The following SLC39A11 variants were observed in gnomAD, a reference collection of about 807,000 sequenced individuals.
SLC39A11 encodes solute carrier family 39 member 11.
In SLC39A11, 33 loss-of-function variants were observed where a neutral mutation model predicts 36.1. That is an observed-to-expected ratio of 0.91 (90% CI 0.69 to 1.22). The LOEUF (loss-of-function observed/expected upper bound fraction) is 1.22. Among genes scored for constraint, SLC39A11 ranks in the 50% most tolerant of loss-of-function variants. The pLI is 0.00. For synonymous variants in SLC39A11, 166 were observed against 170.3 expected (o/e 0.97, Z 0.20); for missense variants, 432 against 430.3 (o/e 1.00, Z -0.03).
intron 7 of SLC39A11, among the ~76,000 whole-genome samples, chr17:72,682,286 G>A (rs1353033672): frequency 4.0e-5 from 6 of 150,038 alleles, no homozygotes; most frequent in Admixed American, 1.3e-4. Flanking sequence ...GAATCATCCC[G>A]AAACCATCCC....
At position 72,947,028 on chromosome 17, in the gene SLC39A11, C is replaced by T. The variant is rs532277783; in HGVS notation, c.430+724G>A. 1.2e-4 allele frequency among the ~76,000 whole-genome samples: 18 copies of T among 152,302 alleles called. No individual in the cohort carries two copies. In the South Asian group the frequency reaches 1.9e-3, roughly 16 times the overall value. ...CTCCAAATTGAATCAGTGAGAGAAA[C>T]GTCCACAGTTGGCCAGGTGCAGTGG... is the stretch of plus-strand genomic sequence containing the variant. On this transcript the variant is annotated intron_variant, in intron 5 of 9. Transcript: ENST00000255559.
At chr17:72,900,150 AAGAAAAG>A in intron 5 of SLC39A11, among the ~76,000 whole-genome samples, 1 of 70,652 alleles carries the variant, frequency 1.4e-5, no homozygotes, top group Non-Finnish European at 3.0e-5. Context: ...AAAAGAAAGA[AAGAAAAG>A]AAAGAAAGAA....
intron 7 of SLC39A11, among the ~76,000 whole-genome samples, chr17:72,653,011 C>T (rs1204321990): frequency 2.0e-5 from 3 of 152,144 alleles, no homozygotes; most frequent in Non-Finnish European, 2.9e-5. Flanking sequence ...AGGCTGGACG[C>T]TTCCCTGGGC....
chr17:72,912,829 C>T (rs72848000), intron 5 of SLC39A11, among the ~76,000 whole-genome samples: 10,544 of 152,174 alleles, frequency 0.069, 462 homozygotes, highest in African/African-American at 0.12. Flanking sequence ...ACTTGCTCAT[C>T]TCCTTGCCCA....
chr17:73,031,958 C>T (rs945186814), intron 3 of SLC39A11, among the ~76,000 whole-genome samples: 5 of 152,118 alleles, frequency 3.3e-5, no homozygotes, highest in African/African-American at 7.2e-5. Context: ...CAGTCCAGTT[C>T]GCCATCATCT....
At chr17:72,649,478 T>C (rs2069743195) in intron 7 of SLC39A11, among the ~76,000 whole-genome samples, 1 of 152,158 alleles carries the variant, frequency 6.6e-6, no homozygotes, top group African/African-American at 2.4e-5. Flanking sequence ...CCTCTACCCA[T>C]CATGCTGTCC....
chr17:72,732,228 C>A lies in SLC39A11; in HGVS notation c.671+4422G>T, dbSNP rs7223236. 5.3e-5 allele frequency among the ~76,000 whole-genome samples: 8 copies of A among 151,118 alleles called. No homozygotes were observed. In the East Asian group the frequency reaches 1.6e-3, roughly 30 times the overall value. Reference sequence around the variant, plus strand: ...GATGGGAGGGTTTTGTAGGCCAAGCCGGTCTTGAATTCCCGACCTCGAGGG... The same window carrying A: ...GATGGGAGGGTTTTGTAGGCCAAGCAGGTCTTGAATTCCCGACCTCGAGGG... On this transcript the variant is annotated intron_variant, in intron 7 of 9. Coordinates refer to ENST00000255559, the MANE Select transcript of SLC39A11 (RefSeq NM_139177.4).
At chr17:72,782,414 C>T (rs2076348678) in intron 6 of SLC39A11, among the ~76,000 whole-genome samples, 1 of 152,052 alleles carries the variant, frequency 6.6e-6, no homozygotes, top group South Asian at 2.1e-4. Context: ...TACTGTGTTA[C>T]AGGAGCTGCG....
chr17:73,037,894 T>C (rs1256572243), intron 3 of SLC39A11, among the ~76,000 whole-genome samples: 1 of 152,224 alleles, frequency 6.6e-6, no homozygotes, highest in Non-Finnish European at 1.5e-5. Context: ...TGCTAAATAA[T>C]GAAAGAAGCT....
At chr17:73,012,306 T>C (rs9896767) in intron 4 of SLC39A11, among the ~76,000 whole-genome samples, 105,206 of 151,894 alleles carry the variant, frequency 0.69, 40,729 homozygotes, top group Non-Finnish European at 0.87. Flanking sequence ...AAGAATATAA[T>C]TGGATTATTT....
At chr17:72,988,956 A>C (rs1568077834) in intron 4 of SLC39A11, among the ~76,000 whole-genome samples, 1 of 152,160 alleles carries the variant, frequency 6.6e-6, no homozygotes. Flanking sequence ...CACGCCTGTC[A>C]TCCGAGCACT....
intron 6 of SLC39A11, among the ~76,000 whole-genome samples, chr17:72,791,937 C>A (rs2076719157): frequency 6.6e-6 from 1 of 152,194 alleles, no homozygotes; most frequent in African/African-American, 2.4e-5. Flanking sequence ...TTATAAATTA[C>A]CCAGTCTCGG....
intron 7 of SLC39A11, among the ~76,000 whole-genome samples, chr17:72,720,542 C>T (rs1245200444): frequency 6.6e-6 from 1 of 152,160 alleles, no homozygotes; most frequent in Non-Finnish European, 1.5e-5. Flanking sequence ...AGTGCTTGTC[C>T]TGGACCTGAG....
intron 4 of SLC39A11, among the ~76,000 whole-genome samples, chr17:73,011,956 CT>C (rs1264388216): frequency 1.3e-5 from 2 of 151,294 alleles, no homozygotes; most frequent in African/African-American, 4.9e-5. Flanking sequence ...GCCACTGCCC[CT>C]GGCCCTAGTT....
At chr17:72,906,077 T>C (rs2082643783) in intron 5 of SLC39A11, among the ~76,000 whole-genome samples, 1 of 152,180 alleles carries the variant, frequency 6.6e-6, no homozygotes, top group Non-Finnish European at 1.5e-5. Flanking sequence ...CTCTTGACGC[T>C]CTTTTGGGTT....
chr17:72,882,027 T>C (rs373863393), intron 5 of SLC39A11, among the ~76,000 whole-genome samples: 2 of 152,208 alleles, frequency 1.3e-5, no homozygotes, highest in Non-Finnish European at 2.9e-5. Context: ...CACTCCAGAA[T>C]ATGACATTCT....
chr17:72,655,781 G>A (rs1263351970), intron 7 of SLC39A11, among the ~76,000 whole-genome samples: 2 of 152,172 alleles, frequency 1.3e-5, no homozygotes, highest in African/African-American at 2.4e-5. Context: ...GGTGGTATTC[G>A]GGGATATGGA....
intron 6 of SLC39A11, among the ~76,000 whole-genome samples, chr17:72,762,924 GTAGACCATTT>G (rs2075639583): frequency 6.6e-6 from 1 of 152,132 alleles, no homozygotes; most frequent in Non-Finnish European, 1.5e-5. Flanking sequence ...TGAGACCCAC[GTAGACCATTT>G]GGGATGAGGA....
chr17:73,084,713 A>G, intron 3 of SLC39A11, 95 bp downstream of exon 3: 1 of 1,165,314 alleles, frequency 8.6e-7, no homozygotes, highest in Middle Eastern at 1.9e-4. Context: ...AGATGCATCT[A>G]GGTCGCAAGG....
Sources: allele counts gnomAD v4.1 joint callset (sites outside exome capture counted in the v4.1 genomes callset), GRCh38; gene constraint gnomAD v4.1.1; transcripts MANE v1.5; gene names NCBI Gene and HGNC (gene_info 2026-07-23, HGNC 2026-07-21).